HOGA1: variants seen among roughly 807,000 people sequenced by gnomAD.
HOGA1 encodes the protein 4-hydroxy-2-oxoglutarate aldolase, mitochondrial.
In HOGA1, 30 loss-of-function variants were observed where a neutral mutation model predicts 34.3. That is an observed-to-expected ratio of 0.87 (90% confidence interval 0.65 to 1.19). HOGA1 has a LOEUF of 1.19. Ranked by LOEUF, HOGA1 falls within the 50% of genes most tolerant of loss-of-function variation. The probability of loss-of-function intolerance (pLI) is 0.00; values close to 1 mark genes in which losing one functional copy is unlikely to be tolerated. For synonymous variants in HOGA1, 161 were observed against 174.0 expected (o/e 0.93, Z 0.59); for missense variants, 417 against 436.5 (o/e 0.96, Z 0.40).
intron 1 of HOGA1, among the ~76,000 whole-genome samples, chr10:97,589,366 G>C (rs1437688515): frequency 6.6e-6 from 1 of 151,930 alleles, no homozygotes; most frequent in African/African-American, 2.4e-5. Context: ...GGATCATTCT[G>C]TCATGGCCAG....
At chr10:97,591,817 T>TTGTGTGTG (rs56742680) in intron 1 of HOGA1, among the ~76,000 whole-genome samples, 13,805 of 110,878 alleles carry the variant, frequency 0.12, 1,132 homozygotes, top group Non-Finnish European at 0.15. Context: ...TTCTTTCATT[T>TTGTGTGTG]TGTGTGTGTG....
intron 6 of HOGA1, among the ~76,000 whole-genome samples, chr10:97,605,061 C>T (rs547644507): frequency 5.8e-4 from 88 of 152,098 alleles, no homozygotes; most frequent in African/African-American, 1.9e-3. Context: ...TTTCTGGGAT[C>T]GATACACAGC....
At chr10:97,587,797 C>T (rs551091942) in intron 1 of HOGA1, among the ~76,000 whole-genome samples, 3 of 149,904 alleles carry the variant, frequency 2.0e-5, no homozygotes, top group Admixed American at 1.3e-4. Context: ...TGAGCCACCG[C>T]GCTGGGCCTC....
chr10:97,597,280 G>A (rs1179719391), intron 1 of HOGA1, among the ~76,000 whole-genome samples: 1 of 152,016 alleles, frequency 6.6e-6, no homozygotes, highest in Non-Finnish European at 1.5e-5. Context: ...CTGGCCTCAA[G>A]TGATCCCCCC....
intron 6 of HOGA1, among the ~76,000 whole-genome samples, chr10:97,604,412 T>C (rs3945179): frequency 0.6 from 91,629 of 151,944 alleles, 29,132 homozygotes; most frequent in Non-Finnish European, 0.73. Context: ...AGCCTCAACC[T>C]CCTGGCTCAA....
At chr10:97,600,633 C>T (rs569791216) in intron 5 of HOGA1, 31 of 209,468 alleles carry the variant, frequency 1.5e-4, no homozygotes, top group African/African-American at 6.2e-4. Flanking sequence ...ATCCAGGATC[C>T]CTAGGAATGT....
At chr10:97,589,620 C>G (rs931527567) in intron 1 of HOGA1, 3 of 386,090 alleles carry the variant, frequency 7.8e-6, no homozygotes, top group Non-Finnish European at 1.4e-5. Context: ...CTCCCCACCC[C>G]ACTCTCCCCA....
chr10:97,599,262 G>A (rs1314981937), intron 3 of HOGA1, 46 bp downstream of exon 3: 1 of 1,611,346 alleles, frequency 6.2e-7, no homozygotes, highest in Non-Finnish European at 8.5e-7. Context: ...CCCAGGGAGA[G>A]GAGATAAGGG....
At position 97,590,548 on chromosome 10, in the gene HOGA1, C is replaced by A. The variant is rs758214255; in HGVS notation, c.211+5634C>A. 8.1e-6 allele frequency: 13 copies of A among 1,611,844 alleles called. No individual in the cohort carries two copies. In the Admixed American group the frequency reaches 2.0e-4, roughly 25 times the overall value. Reference sequence around the variant, plus strand: ...GCCACCCAAGCCACCAGAGCCACAGCCTGCCTAATCGCAGACACTAGATCT... The same window carrying A: ...GCCACCCAAGCCACCAGAGCCACAGACTGCCTAATCGCAGACACTAGATCT... On this transcript the variant is annotated intron_variant, in intron 1 of 6. Coordinates refer to ENST00000370646, the MANE Select transcript of HOGA1 (RefSeq NM_138413.4).
intron 1 of HOGA1, among the ~76,000 whole-genome samples, chr10:97,586,896 G>C (rs921822895): frequency 7.2e-5 from 11 of 152,200 alleles, no homozygotes; most frequent in South Asian, 2.1e-4. Context: ...AGCCAGCGGG[G>C]TGTGGTAGGA....
intron 1 of HOGA1, among the ~76,000 whole-genome samples, chr10:97,588,550 G>A (rs1033558878): frequency 1.5e-4 from 23 of 152,178 alleles, no homozygotes; most frequent in Non-Finnish European, 1.2e-4. Flanking sequence ...AGAGACTAGA[G>A]GAAGGGGTCA....
At chr10:97,604,747 C>T (rs1166592746) in intron 6 of HOGA1, among the ~76,000 whole-genome samples, 4 of 151,960 alleles carry the variant, frequency 2.6e-5, no homozygotes, top group Admixed American at 6.6e-5. Flanking sequence ...TTTGGGAGGC[C>T]GAGGCGGGCA....
intron 1 of HOGA1, among the ~76,000 whole-genome samples, chr10:97,594,151 G>C (rs1200432064): frequency 6.9e-6 from 1 of 145,088 alleles, no homozygotes; most frequent in Non-Finnish European, 1.5e-5. Context: ...TTACAGGCAT[G>C]AGCCACTGCG....
In HOGA1 at chr10:97,611,986, G is replaced by A. The variant is rs753876713; in HGVS notation, c.*327G>A. On this transcript the variant is annotated 3_prime_UTR_variant, in exon 7 of 7. Transcript: ENST00000370646. The stretch of plus-strand genomic sequence containing the variant: ...ATGAAGTCAGAAAGGAAGGGCAGAG[G>A]GGCAAGTAGGCACAGTAAGGGAATT... The A allele has an allele frequency of 1.2e-4, 39 of 318,808 alleles. No individual in the cohort carries two copies. Among genetic ancestry groups the A allele is most frequent in the Admixed American group, 4.6e-5 (1 of 21,850 alleles). The allele number at this position is 318,808 out of a possible 1,614,324, so 19.7% of individuals were successfully genotyped here.
intron 5 of HOGA1, among the ~76,000 whole-genome samples, chr10:97,601,617 C>T (rs1162640323): frequency 6.6e-6 from 1 of 152,194 alleles, no homozygotes; most frequent in African/African-American, 2.4e-5. Context: ...CTGCTCCCTG[C>T]CCCTCACAGA....
At chr10:97,591,137 C>T (rs1007084345) in intron 1 of HOGA1, among the ~76,000 whole-genome samples, 1 of 152,078 alleles carries the variant, frequency 6.6e-6, no homozygotes, top group African/African-American at 2.4e-5. Context: ...GTCTCAACAC[C>T]CCCAATCTGA....
chr10:97,605,709 A>G (rs2041152050), intron 6 of HOGA1, among the ~76,000 whole-genome samples: 1 of 152,110 alleles, frequency 6.6e-6, no homozygotes, highest in Non-Finnish European at 1.5e-5. Context: ...CGTTTTTTTC[A>G]TGTATTTATT....
chr10:97,590,558 C>G (rs768062465), intron 1 of HOGA1: 1 of 1,611,522 alleles, frequency 6.2e-7, no homozygotes, highest in East Asian at 2.2e-5. Context: ...CCTGCCTAAT[C>G]GCAGACACTA....
At chr10:97,605,295 G>A (rs563475397) in intron 6 of HOGA1, among the ~76,000 whole-genome samples, 10 of 151,546 alleles carry the variant, frequency 6.6e-5, no homozygotes, top group Non-Finnish European at 1.3e-4. Flanking sequence ...GTGGTCCCAC[G>A]ACTTGGGAGG....
Sources: allele counts gnomAD v4.1 joint callset (sites outside exome capture counted in the v4.1 genomes callset), GRCh38; gene constraint gnomAD v4.1.1; transcripts MANE v1.5; gene names NCBI Gene and HGNC (gene_info 2026-07-23, HGNC 2026-07-21).